The following LHX8 variants were observed in gnomAD, a reference collection of about 807,000 sequenced individuals.
LHX8 encodes the protein LIM homeobox 8, also known as LIM/homeobox protein Lhx8.
LHX8 carries 12 observed loss-of-function variants against 40.3 expected under a neutral mutation model. That is an observed-to-expected ratio of 0.30 (90% CI 0.19 to 0.48). LHX8 has a LOEUF of 0.48. Among genes scored for constraint, LHX8 ranks in the 20% least tolerant of loss-of-function variants. The probability of loss-of-function intolerance (pLI) is 0.99; values close to 1 mark genes in which losing one functional copy is unlikely to be tolerated. For synonymous variants in LHX8, 179 were observed against 162.0 expected (o/e 1.10, Z -0.80); for missense variants, 344 against 433.7 (o/e 0.79, Z 1.84).
upstream of LHX8, chr1:75,130,718 C>G (rs1030136658): frequency 1.9e-6 from 3 of 1,614,030 alleles, no homozygotes; most frequent in Non-Finnish European, 2.5e-6. Context: ...AGGGGTTATG[C>G]AGATTCTGAG....
intron 1 of LHX8, among the ~76,000 whole-genome samples, chr1:75,129,282 A>G (rs1187243039): frequency 1.3e-5 from 2 of 152,296 alleles, no homozygotes; most frequent in East Asian, 3.9e-4. Flanking sequence ...CCATGAAGGA[A>G]GGAAGGCAAG....
At chr1:75,138,587 A>G (rs1648218243) in intron 3 of LHX8, among the ~76,000 whole-genome samples, 1 of 152,178 alleles carries the variant, frequency 6.6e-6, no homozygotes, top group Non-Finnish European at 1.5e-5. Context: ...GGATATTGCA[A>G]AATCATCTTT....
chr1:75,140,728 C>T (rs1295069217), intron 3 of LHX8, among the ~76,000 whole-genome samples: 1 of 151,816 alleles, frequency 6.6e-6, no homozygotes, highest in Non-Finnish European at 1.5e-5. Context: ...CTGAATTCTT[C>T]AAAGGAATAG....
chr1:75,173,375 T>A, the LHX8 span, among the ~76,000 whole-genome samples: 1 of 64,916 alleles, frequency 1.5e-5, no homozygotes, highest in Non-Finnish European at 3.1e-5. Context: ...ATATATACTC[T>A]TTTTTTTTTT....
chr1:75,139,599 C>T (rs1648255875), intron 3 of LHX8, among the ~76,000 whole-genome samples: 1 of 152,186 alleles, frequency 6.6e-6, no homozygotes, highest in East Asian at 1.9e-4. Context: ...ATTTCCAAGG[C>T]AGTATTTAAC....
At chr1:75,143,435 C>T in intron 5 of LHX8, 97 bp downstream of exon 5, 1 of 839,736 alleles carries the variant, frequency 1.2e-6, no homozygotes, top group African/African-American at 1.7e-5. Flanking sequence ...TTATTTTGTA[C>T]AATGTATAAG....
chr1:75,194,468 G>T, the LHX8 span, among the ~76,000 whole-genome samples: 912 of 152,250 alleles, frequency 6.0e-3, 13 homozygotes, highest in African/African-American at 0.021. Context: ...ACACTTATTA[G>T]GCAAACACCG....
the LHX8 span, among the ~76,000 whole-genome samples, chr1:75,187,319 A>T: frequency 1.3e-5 from 2 of 152,200 alleles, no homozygotes; most frequent in Non-Finnish European, 2.9e-5. Context: ...GCTATTTATC[A>T]GAAAAAGTCC....
At chr1:75,199,024 G>C in the LHX8 span, among the ~76,000 whole-genome samples, 14 of 152,216 alleles carry the variant, frequency 9.2e-5, no homozygotes, top group African/African-American at 2.6e-4. Context: ...TTTTTTGTTT[G>C]TTTAGGCTAA....
intron 7 of LHX8, among the ~76,000 whole-genome samples, chr1:75,153,660 C>T (rs1403361552): frequency 2.6e-5 from 4 of 152,136 alleles, no homozygotes; most frequent in Admixed American, 1.3e-4. Flanking sequence ...TCTGCCACCT[C>T]GGCCTCCCAA....
At chr1:75,172,108 G>T in the LHX8 span, among the ~76,000 whole-genome samples, 1 of 152,052 alleles carries the variant, frequency 6.6e-6, no homozygotes, top group South Asian at 2.1e-4. Flanking sequence ...TTCCTCTCTT[G>T]CAACAATACT....
chr1:75,173,899 A>G, the LHX8 span, among the ~76,000 whole-genome samples: 1 of 152,176 alleles, frequency 6.6e-6, no homozygotes, highest in African/African-American at 2.4e-5. Context: ...CAGTTTGAGC[A>G]TCTCAAATCT....
At chr1:75,196,161 A>G in the LHX8 span, among the ~76,000 whole-genome samples, 3 of 151,826 alleles carry the variant, frequency 2.0e-5, no homozygotes, top group Admixed American at 1.3e-4. Context: ...CTCAAATCTG[A>G]GGGAAGATCT....
chr1:75,129,763 G>A (rs1647914129), upstream of LHX8, among the ~76,000 whole-genome samples: 1 of 152,182 alleles, frequency 6.6e-6, no homozygotes, highest in Non-Finnish European at 1.5e-5. Context: ...GTGGGAAAAC[G>A]GGGATGTGGA....
upstream of LHX8, chr1:75,130,674 C>T (rs751566643): frequency 6.2e-7 from 1 of 1,603,940 alleles, no homozygotes. Flanking sequence ...CGGTAAGTCC[C>T]AAGGTGAGCC....
At chr1:75,156,778 G>A in intron 7 of LHX8, 115 bp from the exon 8 acceptor site, 2 of 911,784 alleles carry the variant, frequency 2.2e-6, no homozygotes, top group Non-Finnish European at 3.7e-6. Flanking sequence ...TTACATTTAT[G>A]CGGTGCTTGT....
chr1:75,130,954 T>G (rs1185548941), upstream of LHX8: 1 of 625,830 alleles, frequency 1.6e-6, no homozygotes, highest in Admixed American at 2.3e-5. Flanking sequence ...CACCTTCTTA[T>G]GATCGCGAAA....
chr1:75,179,415 A>G, the LHX8 span, among the ~76,000 whole-genome samples: 3 of 150,948 alleles, frequency 2.0e-5, no homozygotes, highest in African/African-American at 7.3e-5. Context: ...TGATCCCTTT[A>G]CCATTATGTA....
intron 1 of LHX8, among the ~76,000 whole-genome samples, chr1:75,136,371 G>T (rs1437804195): frequency 2.0e-5 from 3 of 151,880 alleles, no homozygotes; most frequent in Admixed American, 1.3e-4. Context: ...CGGAGCCCGG[G>T]GAGCGCGGGA....
Sources: gnomAD v4.1 joint callset for allele counts (sites outside exome capture counted in the v4.1 genomes callset) on GRCh38, gnomAD v4.1.1 for gene constraint, MANE v1.5 for transcripts, NCBI Gene and HGNC (gene_info 2026-07-23, HGNC 2026-07-21) for gene names.